MAP3K13: variants seen among roughly 807,000 people sequenced by gnomAD.
MAP3K13 encodes the protein mitogen-activated protein kinase kinase kinase 13, also known as leucine zipper-bearing kinase.
A neutral mutation model predicts 104.0 loss-of-function variants in MAP3K13; 52 were observed. The ratio of observed to expected loss-of-function variants is 0.50; its 90% CI spans 0.40 to 0.63. MAP3K13 has a LOEUF of 0.63. Among genes scored for constraint, MAP3K13 ranks in the 20% least tolerant of loss-of-function variants. MAP3K13 has a pLI of 0.00. For synonymous variants in MAP3K13, 394 were observed against 442.2 expected (o/e 0.89, Z 1.37); for missense variants, 914 against 1,218.5 (o/e 0.75, Z 3.72).
chr3:185,467,699 C>T (rs1007828746), intron 10 of MAP3K13, among the ~76,000 whole-genome samples: 1 of 150,798 alleles, frequency 6.6e-6, no homozygotes, highest in Non-Finnish European at 1.5e-5. Flanking sequence ...AGGAGAATCA[C>T]TTGAACCAGG....
intron 1 of MAP3K13, among the ~76,000 whole-genome samples, chr3:185,366,111 C>T (rs925948818): frequency 6.6e-6 from 1 of 151,266 alleles, no homozygotes; most frequent in Non-Finnish European, 1.5e-5. Flanking sequence ...TTTCTCTTCA[C>T]CCCCCAGCCC....
chr3:185,290,886 G>A (rs1010970693), intron 2 of MAP3K13, among the ~76,000 whole-genome samples: 1 of 152,144 alleles, frequency 6.6e-6, no homozygotes, highest in Non-Finnish European at 1.5e-5. Context: ...AATTAAGTCA[G>A]TGAGATTAAA....
At chr3:185,343,094 C>T (rs1722780702) in intron 2 of MAP3K13, among the ~76,000 whole-genome samples, 1 of 152,178 alleles carries the variant, frequency 6.6e-6, no homozygotes, top group African/African-American at 2.4e-5. Flanking sequence ...CTCCTTATAG[C>T]TAGCGAGGGA....
chr3:185,385,863 C>T (rs1016861316), intron 1 of MAP3K13, among the ~76,000 whole-genome samples: 3 of 151,968 alleles, frequency 2.0e-5, no homozygotes, highest in Non-Finnish European at 4.4e-5. Flanking sequence ...ATTAGCCAGT[C>T]GTGGTGGTGG....
Position 185,363,372 on chromosome 3 carries a change from A to C in MAP3K13, c.-86+4A>C. 1 of 981,860 alleles carries C rather than the reference A, an allele frequency of 1.0e-6. No individual in the cohort carries two copies. Among genetic ancestry groups the C allele is most frequent in the Non-Finnish European group, 1.2e-6 (1 of 826,724 alleles). The allele number at this position is 981,860 out of a possible 1,614,324, so 60.8% of individuals were successfully genotyped here. A position where few individuals can be genotyped will look rare whatever the true frequency, so the allele number is the denominator to read the frequency against. On this transcript the variant is annotated splice_donor_region_variant and intron_variant, in intron 1 of 13. Coordinates refer to ENST00000265026, the MANE Select transcript of MAP3K13 (RefSeq NM_004721.5). Reference sequence around the variant, plus strand: ...TGTGTAGGAATTCTTCGTTGTTGTGAGTATTGCACTCTGTTTTTCCTGTTT... The same window carrying C: ...TGTGTAGGAATTCTTCGTTGTTGTGCGTATTGCACTCTGTTTTTCCTGTTT...
At chr3:185,356,322 G>C (rs569125117) in intron 2 of MAP3K13, among the ~76,000 whole-genome samples, 1 of 152,304 alleles carries the variant, frequency 6.6e-6, no homozygotes, top group African/African-American at 2.4e-5. Context: ...ATGACATTGT[G>C]TTAATAAGTA....
chr3:185,379,870 A>G (rs1160859960), intron 1 of MAP3K13, among the ~76,000 whole-genome samples: 1 of 152,198 alleles, frequency 6.6e-6, no homozygotes, highest in Non-Finnish European at 1.5e-5. Context: ...GACCATCACC[A>G]TCACCTGGGA....
chr3:185,426,302 G>A (rs916215412), intron 1 of MAP3K13, among the ~76,000 whole-genome samples: 4 of 152,092 alleles, frequency 2.6e-5, no homozygotes, highest in Non-Finnish European at 5.9e-5. Context: ...GACTGGTCTC[G>A]AACTCCTGAC....
intron 2 of MAP3K13, among the ~76,000 whole-genome samples, chr3:185,348,993 G>T (rs904592698): frequency 1.3e-5 from 2 of 152,106 alleles, no homozygotes; most frequent in African/African-American, 4.8e-5. Context: ...GAAAAGAGGA[G>T]CACTTGGTAC....
At chr3:185,469,931 A>G (rs1204483040) in intron 10 of MAP3K13, among the ~76,000 whole-genome samples, 1 of 152,144 alleles carries the variant, frequency 6.6e-6, no homozygotes, top group African/African-American at 2.4e-5. Context: ...CTGGGCTGTG[A>G]GCTCTTTGTC....
chr3:185,445,892 C>T (rs1715564711), intron 4 of MAP3K13, among the ~76,000 whole-genome samples: 1 of 152,188 alleles, frequency 6.6e-6, no homozygotes, highest in Non-Finnish European at 1.5e-5. Context: ...AAAAAGTTCC[C>T]TCTTTTAGGG....
At position 185,486,536 on chromosome 3, in the gene MAP3K13, T is replaced by C. The variant is rs1236146449; in HGVS notation, c.*4080T>C. The C allele has an allele frequency of 6.6e-6, 1 of 152,058 alleles. No individual in the cohort carries two copies. Among genetic ancestry groups the C allele is most frequent in the Non-Finnish European group, 1.5e-5 (1 of 68,022 alleles). 9.4% of individuals were successfully genotyped at this position (152,058 alleles called of 1,614,324 possible). On this transcript the variant is annotated 3_prime_UTR_variant, in exon 14 of 14. Coordinates refer to ENST00000265026, the MANE Select transcript of MAP3K13 (RefSeq NM_004721.5). ...AACGACTCCACAGTCATCTGAAGAG[T>C]GTTGAATCAAGAGCTCAGGGAAGTT... is the stretch of plus-strand genomic sequence containing the variant.
At chr3:185,471,365 C>G (rs1305350202) in intron 10 of MAP3K13, among the ~76,000 whole-genome samples, 1 of 133,676 alleles carries the variant, frequency 7.5e-6, no homozygotes, top group Non-Finnish European at 1.5e-5. Context: ...AGACTGGTCT[C>G]AAACTCCTGG....
chr3:185,447,992 CT>C, intron 5 of MAP3K13, 45 bp downstream of exon 5: 1 of 1,574,884 alleles, frequency 6.3e-7, no homozygotes, highest in South Asian at 1.2e-5. Context: ...CCTTTTCCCA[CT>C]TTCGCCCTAT....
chr3:185,327,401 A>G (rs1354429487), intron 2 of MAP3K13, among the ~76,000 whole-genome samples: 2 of 152,190 alleles, frequency 1.3e-5, no homozygotes, highest in East Asian at 3.8e-4. Context: ...GGATTAGGAC[A>G]TGGACATCTT....
At chr3:185,466,369 C>CTTTTTT (rs59523963) in intron 9 of MAP3K13, among the ~76,000 whole-genome samples, 3 of 85,314 alleles carry the variant, frequency 3.5e-5, no homozygotes, top group Admixed American at 1.5e-4. Context: ...TTAGTATTTC[C>CTTTTTT]TTTTTTTTTT....
In MAP3K13 at chr3:185,386,590, C is replaced by T. The variant is rs144672398; in HGVS notation, c.-86+23222C>T. Among the ~76,000 whole-genome samples the T allele has an allele frequency of 2.8e-3, 421 of 152,302 alleles. 2 individuals are homozygous for T. Among genetic ancestry groups the T allele is most frequent in the African/African-American group, 9.8e-3 (409 of 41,564 alleles). On this transcript the variant is annotated intron_variant, in intron 1 of 13. Transcript: ENST00000265026. ...AATATAAATCACTCTACTCTAAAAA[C>T]ACATGCACGCGTATGTTCATTGCAG... is the stretch of plus-strand genomic sequence containing the variant.
chr3:185,323,701 C>T (rs762183602), intron 2 of MAP3K13, among the ~76,000 whole-genome samples: 10 of 152,114 alleles, frequency 6.6e-5, no homozygotes, highest in Non-Finnish European at 1.3e-4. Flanking sequence ...TTACCAGTTC[C>T]TTCCTGATTT....
At chr3:185,467,222 T>A (rs948248166) in intron 10 of MAP3K13, among the ~76,000 whole-genome samples, 2 of 152,212 alleles carry the variant, frequency 1.3e-5, no homozygotes, top group African/African-American at 4.8e-5. Context: ...CAGACCTGGA[T>A]GCAAATCCTG....
Sources: gnomAD v4.1 joint callset for allele counts (sites outside exome capture counted in the v4.1 genomes callset) on GRCh38, gnomAD v4.1.1 for gene constraint, MANE v1.5 for transcripts, NCBI Gene and HGNC (gene_info 2026-07-23, HGNC 2026-07-21) for gene names.